The following NR2E1 variants were observed in gnomAD, a reference collection of about 807,000 sequenced individuals.
NR2E1 encodes nuclear receptor subfamily 2 group E member 1.
In NR2E1, 5 loss-of-function variants were observed where a neutral mutation model predicts 43.6. That is an observed-to-expected ratio of 0.11 (90% CI 0.06 to 0.24). The LOEUF (loss-of-function observed/expected upper bound fraction) is 0.24, where lower values mean the gene tolerates loss of function less well. Ranked by LOEUF, NR2E1 falls within the 10% of genes least tolerant of loss-of-function variation. The pLI, the probability that NR2E1 is intolerant of heterozygous loss-of-function variation, is 1.00. For synonymous variants in NR2E1, 191 were observed against 195.5 expected (o/e 0.98, Z 0.19); for missense variants, 287 against 496.7 (o/e 0.58, Z 4.01).
At chr6:108,176,918 A>C (rs1269925262) in intron 4 of NR2E1, among the ~76,000 whole-genome samples, 180 bp downstream of exon 4, 10 of 152,210 alleles carry the variant, frequency 6.6e-5, no homozygotes, top group Non-Finnish European at 1.0e-4. Context: ...AGGGGTGCTC[A>C]AACTTGAGTG....
rs975129887 is a variant in NR2E1 at position 108,187,717 on chromosome 6, A to T, written c.*254A>T. On this transcript the variant is annotated 3_prime_UTR_variant, in exon 9 of 9. Coordinates refer to ENST00000368986, the MANE Select transcript of NR2E1 (RefSeq NM_003269.5). Reference sequence around the variant, plus strand: ...AAACTCACTGCTGCCATGCCCTGGGAGGGGGCAAACTGGGGGTTGCCACAG... The same window carrying T: ...AAACTCACTGCTGCCATGCCCTGGGTGGGGGCAAACTGGGGGTTGCCACAG... 2.1e-6 allele frequency: 1 copy of T among 474,332 alleles called. No individual in the cohort carries two copies. The highest frequency in any genetic ancestry group is 3.3e-5 in the Admixed American group (1 of 30,084). 29.4% of individuals were successfully genotyped at this position (474,332 alleles called of 1,614,324 possible). A position where few individuals can be genotyped will look rare whatever the true frequency, so the allele number is the denominator to read the frequency against.
In NR2E1 at chr6:108,180,719, T is replaced by C; in HGVS notation, c.740-88T>C. ...TATCTTAGAGTGACAATTGAATAGA[T>C]ATTGATATGCAGGATTTTGTCAAAA... On this transcript the variant is annotated intron_variant, in intron 6 of 8. Transcript: ENST00000368986. The surrounding 1 kb of genome is among the most constrained non-coding windows in gnomAD (Gnocchi z 5.4). 1 of 1,211,432 alleles carries C rather than the reference T, an allele frequency of 8.3e-7. No individual in the cohort carries two copies. The allele number at this position is 1,211,432 out of a possible 1,614,324, so 75.0% of individuals were successfully genotyped here.
At chr6:108,177,921 T>A (rs538561161) in intron 4 of NR2E1, among the ~76,000 whole-genome samples, 174 bp from the exon 5 acceptor site, 1 of 152,340 alleles carries the variant, frequency 6.6e-6, no homozygotes, top group East Asian at 1.9e-4. Context: ...TTTCAAACTC[T>A]ATAGACAGCG....
Position 108,174,721 on chromosome 6 carries a change from A to G in NR2E1, c.172-115A>G. 4.9e-6 allele frequency: 4 copies of G among 813,028 alleles called. No homozygotes were observed. In the South Asian group the frequency reaches 5.7e-5, roughly 12 times the overall value. The allele number at this position is 813,028 out of a possible 1,614,324, so 50.4% of individuals were successfully genotyped here. Reference sequence around the variant, plus strand: ...TTTGCAGGCCCAGGCTCGGGGCTCCAGGGCCTGCGGCCGGGCAAGGTCGCG... The same window carrying G: ...TTTGCAGGCCCAGGCTCGGGGCTCCGGGGCCTGCGGCCGGGCAAGGTCGCG... On this transcript the variant is annotated intron_variant, in intron 2 of 8. Coordinates refer to ENST00000368986, the MANE Select transcript of NR2E1 (RefSeq NM_003269.5).
In NR2E1 at chr6:108,171,520, G is replaced by A; in HGVS notation, c.88G>A (p.Val30Ile). Residue 30 changes from valine (V) to isoleucine (I), a missense_variant, in exon 2 of 9, where the codon GTC becomes ATC. Val to Ile is a conservative substitution (Grantham distance 29, BLOSUM62 3). Transcript: ENST00000368986. ...GDRSSGKHYGVYACDGCSGFF... is the reference protein window; with the variant it reads ...GDRSSGKHYGIYACDGCSGFF... ...CCGCAGCTCGGGGAAGCACTACGGG[G>A]TCTACGCCTGCGACGGCTGCTCAGG... is the stretch of plus-strand genomic sequence containing the variant. The A allele has an allele frequency of 6.2e-7, 1 of 1,614,054 alleles. No homozygotes were observed. Among genetic ancestry groups the A allele is most frequent in the Non-Finnish European group, 8.5e-7 (1 of 1,180,042 alleles).
chr6:108,176,053 A>G, intron 3 of NR2E1: 1 of 160,214 alleles, frequency 6.2e-6, no homozygotes, highest in South Asian at 1.9e-4. Context: ...GCGGGTAGGG[A>G]GGCTTGTTCT....
intron 8 of NR2E1, among the ~76,000 whole-genome samples, chr6:108,186,974 T>C (rs1195244882): frequency 1.3e-5 from 2 of 152,228 alleles, no homozygotes; most frequent in African/African-American, 4.8e-5. Flanking sequence ...TTTTCTATAA[T>C]GGAAACCTTA....
Position 108,170,035 on chromosome 6 carries a change from G to T in NR2E1, c.26-1423G>T, listed in dbSNP as rs146035477. On this transcript the variant is annotated intron_variant, in intron 1 of 8. Transcript: ENST00000368986. The stretch of plus-strand genomic sequence containing the variant: ...AGTCTGGGACCCACGGTGCAAGCTC[G>T]CCCGGACGCCTCGGGTTCCAGGAGC... Among the ~76,000 whole-genome samples the T allele has an allele frequency of 2.1e-4, 29 of 135,498 alleles. No individual in the cohort carries two copies. The East Asian group carries it at 6.1e-3, about 29-fold the overall frequency. 88.9% of individuals were successfully genotyped at this position (135,498 alleles called of 152,430 possible).
chr6:108,187,241 G>C (rs779997030), intron 8 of NR2E1, 60 bp from the exon 9 acceptor site: 159 of 1,568,570 alleles, frequency 1.0e-4, no homozygotes, highest in Non-Finnish European at 1.3e-4. Flanking sequence ...TCAAGTGTAA[G>C]ACGTTAGTTT....
intron 3 of NR2E1, 61 bp from the exon 4 acceptor site, chr6:108,176,442 G>C (rs773212387): frequency 5.0e-5 from 76 of 1,531,218 alleles, no homozygotes; most frequent in Middle Eastern, 1.7e-4. Context: ...GGGGAGAGCC[G>C]CAGCGGCTGT....
Position 108,174,699 on chromosome 6 carries a change from G to T in NR2E1, c.172-137G>T, listed in dbSNP as rs1773867749. ...CTCATGCCCAAGGCCCTCGCGTTTT[G>T]CAGGCCCAGGCTCGGGGCTCCAGGG... On this transcript the variant is annotated intron_variant, in intron 2 of 8. Transcript: ENST00000368986. 3 of 697,964 alleles carry T rather than the reference G, an allele frequency of 4.3e-6. No homozygotes were observed. The South Asian group carries it at 4.8e-5, about 11-fold the overall frequency. 43.2% of individuals were successfully genotyped at this position (697,964 alleles called of 1,614,324 possible). A position where few individuals can be genotyped will look rare whatever the true frequency, so the allele number is the denominator to read the frequency against.
At chr6:108,168,156 C>A in intron 1 of NR2E1, 1 of 1,589,136 alleles carries the variant, frequency 6.3e-7, no homozygotes, top group South Asian at 1.2e-5. Flanking sequence ...GTTGGAATCT[C>A]CAGGAGGTAA....
At chr6:108,185,409 T>TACACACACACAC (rs3040212) in intron 8 of NR2E1, among the ~76,000 whole-genome samples, 158 of 146,898 alleles carry the variant, frequency 1.1e-3, no homozygotes, top group African/African-American at 3.6e-3. Flanking sequence ...CACACACACA[T>TACACACACACAC]ACACACACAC....
chr6:108,185,379 AAC>A (rs373783447), intron 8 of NR2E1, among the ~76,000 whole-genome samples: 124 of 133,990 alleles, frequency 9.3e-4, no homozygotes, highest in Admixed American at 1.7e-3. Flanking sequence ...TTCTCTCTCT[AAC>A]ACACACACAC....
intron 8 of NR2E1, among the ~76,000 whole-genome samples, chr6:108,182,949 C>A (rs1463022877): frequency 1.3e-5 from 2 of 152,190 alleles, no homozygotes; most frequent in Admixed American, 6.5e-5. Context: ...GATCCTCCCA[C>A]CTAAGTCTCC....
chr6:108,174,533 C>T (rs1034769849), intron 2 of NR2E1, among the ~76,000 whole-genome samples: 1 of 152,084 alleles, frequency 6.6e-6, no homozygotes, highest in African/African-American at 2.4e-5. Context: ...CCCCGCAGGC[C>T]TGCGGGGTCT....
intron 3 of NR2E1, among the ~76,000 whole-genome samples, chr6:108,175,663 G>A (rs1168589682): frequency 1.3e-5 from 2 of 152,210 alleles, no homozygotes; most frequent in Non-Finnish European, 1.5e-5. Flanking sequence ...GCCCAGGCAG[G>A]GGGCGAGGGT....
intron 2 of NR2E1, among the ~76,000 whole-genome samples, chr6:108,173,300 C>A (rs148969455): frequency 1.3e-5 from 2 of 152,302 alleles, no homozygotes; most frequent in East Asian, 3.9e-4. Flanking sequence ...AAGATACCAT[C>A]TGAGGATAGA....
In NR2E1 at chr6:108,180,256, A is replaced by C. The variant is rs937678973; in HGVS notation, c.643-67A>C. ...ACTTTTTAAAATAATGGAAATTTAC[A>C]TAGTGAAATTGTTTATAAATTTATA... On this transcript the variant is annotated intron_variant, in intron 5 of 8. Transcript: ENST00000368986. This position sits in a 1 kb window ranked among gnomAD's most constrained non-coding sequence, Gnocchi z 5.4. The C allele has an allele frequency of 9.8e-7, 1 of 1,016,852 alleles. No individual in the cohort carries two copies. The highest frequency in any genetic ancestry group is 1.5e-6 in the Non-Finnish European group (1 of 656,430). The allele number at this position is 1,016,852 out of a possible 1,614,324, so 63.0% of individuals were successfully genotyped here. A position where few individuals can be genotyped will look rare whatever the true frequency, so the allele number is the denominator to read the frequency against.
Sources: gnomAD v4.1 joint callset for allele counts (sites outside exome capture counted in the v4.1 genomes callset) on GRCh38, gnomAD v4.1.1 for gene constraint, Gnocchi (gnomAD v3.1) non-coding constraint, MANE v1.5 for transcripts, NCBI Gene and HGNC (gene_info 2026-07-23, HGNC 2026-07-21) for gene names.